The following ENAH variants were observed in gnomAD, a reference collection of about 807,000 sequenced individuals.
The protein encoded by ENAH is ENAH actin regulator, also known as protein enabled homolog.
Under a neutral mutation model 78.7 loss-of-function variants are expected in ENAH, and 23 were observed. The ratio of observed to expected loss-of-function variants is 0.29; its 90% CI spans 0.21 to 0.41. ENAH has a LOEUF of 0.41. ENAH is among the 10% of genes least tolerant of loss of function. ENAH has a pLI of 1.00. For missense variants in ENAH, 544 were observed against 691.0 expected (o/e 0.79, Z 2.39); for synonymous variants, 226 against 241.0 (o/e 0.94, Z 0.58).
At chr1:225,624,801 G>A (rs1244773615) in intron 1 of ENAH, among the ~76,000 whole-genome samples, 1 of 152,066 alleles carries the variant, frequency 6.6e-6, no homozygotes, top group Non-Finnish European at 1.5e-5. Flanking sequence ...CCAGATTAAG[G>A]TCCCCTAAAA....
intron 3 of ENAH, among the ~76,000 whole-genome samples, chr1:225,547,296 T>C (rs2096619727): frequency 6.6e-6 from 1 of 152,124 alleles, no homozygotes; most frequent in Non-Finnish European, 1.5e-5. Context: ...GGTCTCGAAC[T>C]CCTGACCTCG....
intron 1 of ENAH, among the ~76,000 whole-genome samples, chr1:225,613,210 T>C (rs1430350034): frequency 3.9e-5 from 6 of 152,174 alleles, no homozygotes; most frequent in Non-Finnish European, 8.8e-5. Flanking sequence ...TCAGAGCAAC[T>C]CAAACGTCCC....
At chr1:225,604,074 C>A (rs2096942895) in intron 1 of ENAH, among the ~76,000 whole-genome samples, 1 of 152,158 alleles carries the variant, frequency 6.6e-6, no homozygotes, top group Non-Finnish European at 1.5e-5. Flanking sequence ...TAAGCAAAAA[C>A]TTGCATGTAT....
intron 1 of ENAH, among the ~76,000 whole-genome samples, chr1:225,641,526 C>T (rs76710281): frequency 2.7e-5 from 4 of 147,050 alleles, no homozygotes; most frequent in Admixed American, 2.0e-4. Flanking sequence ...TTGCCGCACA[C>T]TTCACTAAAG....
At chr1:225,570,367 C>T (rs1025599925) in intron 1 of ENAH, among the ~76,000 whole-genome samples, 4 of 151,758 alleles carry the variant, frequency 2.6e-5, no homozygotes, top group South Asian at 2.1e-4. Flanking sequence ...ATGGGAACTG[C>T]GCAGGTCCAC....
At chr1:225,570,832 G>A (rs555030053) in intron 1 of ENAH, among the ~76,000 whole-genome samples, 9 of 151,760 alleles carry the variant, frequency 5.9e-5, no homozygotes, top group East Asian at 3.9e-4. Context: ...GTCTGGTGGC[G>A]AGCACCTGTA....
At chr1:225,547,272 A>G (rs964874040) in intron 3 of ENAH, among the ~76,000 whole-genome samples, 1 of 152,068 alleles carries the variant, frequency 6.6e-6, no homozygotes, top group Non-Finnish European at 1.5e-5. Flanking sequence ...GGGTTTCACC[A>G]TGTTGGTCAG....
chr1:225,645,017 G>C (rs1266359668), intron 1 of ENAH, among the ~76,000 whole-genome samples: 1 of 152,164 alleles, frequency 6.6e-6, no homozygotes, highest in African/African-American at 2.4e-5. Flanking sequence ...TCCTTAGCAC[G>C]AAGATACAGC....
At chr1:225,622,359 A>G (rs1189269545) in intron 1 of ENAH, among the ~76,000 whole-genome samples, 1 of 152,182 alleles carries the variant, frequency 6.6e-6, no homozygotes, top group Non-Finnish European at 1.5e-5. Flanking sequence ...AGGCTGAGGC[A>G]GGAGGATCCT....
chr1:225,550,081 C>A (rs767355643), intron 3 of ENAH, among the ~76,000 whole-genome samples: 4 of 152,128 alleles, frequency 2.6e-5, no homozygotes, highest in South Asian at 4.2e-4. Flanking sequence ...TGCTCCTGAC[C>A]CCCACCACAT....
chr1:225,640,893 C>CTT (rs61440195), intron 1 of ENAH, among the ~76,000 whole-genome samples: 1,495 of 130,928 alleles, frequency 0.011, 47 homozygotes, highest in African/African-American at 0.039. Context: ...CAAGTACATA[C>CTT]TTTTTTTTTT....
chr1:225,546,635 G>A (rs556464441), intron 3 of ENAH, among the ~76,000 whole-genome samples: 4 of 152,270 alleles, frequency 2.6e-5, no homozygotes, highest in South Asian at 2.1e-4. Flanking sequence ...CTAAGGAAGC[G>A]GCTGAAAATT....
chr1:225,522,716 A>T (rs1197429484), intron 4 of ENAH, among the ~76,000 whole-genome samples: 1 of 152,220 alleles, frequency 6.6e-6, no homozygotes, highest in Non-Finnish European at 1.5e-5. Context: ...TTCAACCTAC[A>T]TCAAAAAATA....
At chr1:225,546,305 T>C (rs2096613604) in intron 3 of ENAH, among the ~76,000 whole-genome samples, 1 of 152,184 alleles carries the variant, frequency 6.6e-6, no homozygotes, top group Non-Finnish European at 1.5e-5. Flanking sequence ...TTAGTGACTA[T>C]GAATTATTAG....
chr1:225,498,960 T>C (rs964448601), intron 12 of ENAH, among the ~76,000 whole-genome samples: 4 of 152,184 alleles, frequency 2.6e-5, no homozygotes, highest in Admixed American at 2.6e-4. Context: ...GGTTGACCCA[T>C]GCTGTCCAAT....
intron 1 of ENAH, among the ~76,000 whole-genome samples, chr1:225,626,362 T>C (rs1290363720): frequency 1.3e-5 from 2 of 152,242 alleles, no homozygotes; most frequent in Non-Finnish European, 2.9e-5. Context: ...TATGTGTCTC[T>C]CCAAAATCCC....
Position 225,525,902 on chromosome 1 carries a change from T to A in ENAH, c.434+4652A>T, listed in dbSNP as rs139099032. On this transcript the variant is annotated intron_variant, in intron 4 of 13. Transcript: ENST00000366843. ...GTCTTGGTGGGAGGTCTTTGTTTTT[T>A]TCCCCACTTACTGGGCTGGACTTTT... 1.4e-4 allele frequency among the ~76,000 whole-genome samples: 22 copies of A among 152,246 alleles called. No individual in the cohort carries two copies. In the East Asian group the frequency reaches 2.3e-3, roughly 16 times the overall value.
chr1:225,633,201 C>A (rs1467403411), intron 1 of ENAH, among the ~76,000 whole-genome samples: 1 of 151,860 alleles, frequency 6.6e-6, no homozygotes, highest in Non-Finnish European at 1.5e-5. Context: ...TGCCACCACA[C>A]CTGGCTAATT....
At chr1:225,579,067 G>A (rs899291569) in intron 1 of ENAH, among the ~76,000 whole-genome samples, 3 of 152,094 alleles carry the variant, frequency 2.0e-5, no homozygotes, top group African/African-American at 4.8e-5. Flanking sequence ...GGTAGGTACC[G>A]TTAATATCCC....
Sources: allele counts gnomAD v4.1 joint callset (sites outside exome capture counted in the v4.1 genomes callset), GRCh38; gene constraint gnomAD v4.1.1; transcripts MANE v1.5; gene names NCBI Gene and HGNC (gene_info 2026-07-23, HGNC 2026-07-21).